The following SHISAL1 variants were observed in gnomAD, a reference collection of about 807,000 sequenced individuals.
SHISAL1 encodes protein shisa-like-1.
A neutral mutation model predicts 22.6 loss-of-function variants in SHISAL1; 9 were observed. The ratio of observed to expected loss-of-function variants is 0.40; its 90% CI spans 0.24 to 0.70. The LOEUF (loss-of-function observed/expected upper bound fraction) is 0.70, where lower values mean the gene tolerates loss of function less well. Ranked by LOEUF, SHISAL1 falls within the 30% of genes least tolerant of loss-of-function variation. The pLI is 0.39. For missense variants in SHISAL1, 246 were observed against 270.6 expected (o/e 0.91, Z 0.64); for synonymous variants, 119 against 115.4 (o/e 1.03, Z -0.20).
At chr22:44,289,496 T>TG (rs768987294) in intron 3 of SHISAL1, among the ~76,000 whole-genome samples, 1,567 of 137,862 alleles carry the variant, frequency 0.011, 43 homozygotes, top group African/African-American at 0.04. Context: ...GTGTGTGTGT[T>TG]TACTGCCGGG....
intron 3 of SHISAL1, among the ~76,000 whole-genome samples, chr22:44,292,747 C>A (rs1450066845): frequency 6.6e-6 from 1 of 152,232 alleles, no homozygotes; most frequent in Non-Finnish European, 1.5e-5. Context: ...GGACACCAGG[C>A]CCCACGTCAG....
intron 4 of SHISAL1, among the ~76,000 whole-genome samples, chr22:44,270,140 CA>C (rs1277397807): frequency 6.6e-6 from 1 of 152,248 alleles, no homozygotes; most frequent in Non-Finnish European, 1.5e-5. Context: ...GCCAAAACCC[CA>C]CCTGACGAAG....
At chr22:44,262,380 G>A (rs893895764) in intron 4 of SHISAL1, among the ~76,000 whole-genome samples, 10 of 152,194 alleles carry the variant, frequency 6.6e-5, no homozygotes, top group Admixed American at 4.6e-4. Flanking sequence ...TCCCAAAGTT[G>A]TGGGGAGCCG....
At chr22:44,260,138 T>A (rs568779316) in intron 4 of SHISAL1, among the ~76,000 whole-genome samples, 14 of 152,194 alleles carry the variant, frequency 9.2e-5, no homozygotes, top group Non-Finnish European at 1.9e-4. Flanking sequence ...CTCCCCTGCA[T>A]GCCTTTCACA....
chr22:44,295,559 A>G (rs1485850251), intron 3 of SHISAL1, among the ~76,000 whole-genome samples: 1 of 152,180 alleles, frequency 6.6e-6, no homozygotes, highest in Non-Finnish European at 1.5e-5. Context: ...AACAAAAATT[A>G]AGCATGAGGA....
Position 44,263,012 on chromosome 22 carries a change from A to AGTTG in SHISAL1, c.*-13331_*-13328dup, listed in dbSNP as rs2055135642. 2.7e-5 allele frequency among the ~76,000 whole-genome samples: 4 copies of AGTTG among 149,642 alleles called. No homozygotes were observed. The South Asian group carries it at 8.6e-4, about 32-fold the overall frequency. On this transcript the variant is annotated intron_variant, in intron 4 of 4. Coordinates refer to ENST00000381176, the MANE Select transcript of SHISAL1 (RefSeq NM_001099294.2). ...GCAGCAGCAACAGCTTCTGTTAGTTAGTTGGTGCTGACGGTATGCATGTGG... is the reference window on the plus strand; with the variant it reads ...GCAGCAGCAACAGCTTCTGTTAGTTAGTTGGTTGGTGCTGACGGTATGCATGTGG...
chr22:44,324,565 C>T, the SHISAL1 span, among the ~76,000 whole-genome samples: 2 of 152,238 alleles, frequency 1.3e-5, no homozygotes, highest in Non-Finnish European at 2.9e-5. Context: ...ACTGTGCTAA[C>T]TAAACCCTTT....
rs868061534 is a variant in SHISAL1 at position 44,246,293 on chromosome 22, C to G, written c.*3392G>C. ...AGTTCCCAGTGGGAAACAGTCCTTACAAACGCGGTAGTTCTGCAAACAGCC... is the reference window on the plus strand; with the variant it reads ...AGTTCCCAGTGGGAAACAGTCCTTAGAAACGCGGTAGTTCTGCAAACAGCC... On this transcript the variant is annotated 3_prime_UTR_variant, in exon 5 of 5. Coordinates refer to ENST00000381176, the MANE Select transcript of SHISAL1 (RefSeq NM_001099294.2). 1.1e-4 allele frequency: 17 copies of G among 152,250 alleles called. No individual in the cohort carries two copies. The highest frequency in any genetic ancestry group is 3.9e-4 in the African/African-American group (16 of 41,456). The allele number at this position is 152,250 out of a possible 1,614,324, so 9.4% of individuals were successfully genotyped here.
chr22:44,267,114 G>C (rs577982184), intron 4 of SHISAL1, among the ~76,000 whole-genome samples: 4 of 152,080 alleles, frequency 2.6e-5, no homozygotes, highest in Admixed American at 6.5e-5. Flanking sequence ...CATCGCAGGA[G>C]CGACAGGCAG....
Position 44,285,752 on chromosome 22 carries a change from A to ACAAACAGAGAGGGAGTGAG in SHISAL1, c.282-26_282-8dup, listed in dbSNP as rs1569218309. The ACAAACAGAGAGGGAGTGAG allele has an allele frequency of 1.2e-6, 2 of 1,605,304 alleles. No individual in the cohort carries two copies. Among genetic ancestry groups the ACAAACAGAGAGGGAGTGAG allele is most frequent in the Non-Finnish European group, 8.5e-7 (1 of 1,173,620 alleles). On this transcript the variant is annotated splice_region_variant and splice_polypyrimidine_tract_variant and intron_variant, in intron 3 of 4. Transcript: ENST00000381176. Reference sequence around the variant, plus strand: ...CAACAAGGCGGTGTAATTGCTGCGAACAAACAGAGAGGGAGTGAGCAAGCA... The same window carrying ACAAACAGAGAGGGAGTGAG: ...CAACAAGGCGGTGTAATTGCTGCGAACAAACAGAGAGGGAGTGAGCAAACAGAGAGGGAGTGAGCAAGCA...
intron 4 of SHISAL1, among the ~76,000 whole-genome samples, chr22:44,281,929 C>T (rs1050291583): frequency 6.6e-6 from 1 of 152,246 alleles, no homozygotes; most frequent in Non-Finnish European, 1.5e-5. Flanking sequence ...CAACGCCCCA[C>T]CTGCCTGGCC....
chr22:44,295,661 T>A (rs2055380207), intron 3 of SHISAL1, among the ~76,000 whole-genome samples: 1 of 152,162 alleles, frequency 6.6e-6, no homozygotes, highest in African/African-American at 2.4e-5. Context: ...ACTCATCATA[T>A]TTCCTTCATA....
intron 2 of SHISAL1, among the ~76,000 whole-genome samples, chr22:44,298,138 T>G (rs967285135): frequency 1.3e-5 from 2 of 152,244 alleles, no homozygotes; most frequent in Admixed American, 6.5e-5. Flanking sequence ...AGGTCTCAGC[T>G]TTTGGGGAAC....
intron 1 of SHISAL1, among the ~76,000 whole-genome samples, chr22:44,303,954 A>G (rs1433553600): frequency 6.6e-6 from 1 of 151,786 alleles, no homozygotes; most frequent in East Asian, 1.9e-4. Context: ...GCCCCCCAGG[A>G]GGACGGTTTC....
chr22:44,253,226 T>A (rs990282612), intron 4 of SHISAL1, among the ~76,000 whole-genome samples: 2 of 152,010 alleles, frequency 1.3e-5, no homozygotes, highest in African/African-American at 4.8e-5. Flanking sequence ...GTCATAATCT[T>A]AATATCAGAA....
rs75143163 is a variant in SHISAL1 at position 44,276,440 on chromosome 22, G to A, written c.599+8988C>T. Among the ~76,000 whole-genome samples the A allele has an allele frequency of 6.7e-3, 1,012 of 152,066 alleles. 41 individuals carry two copies. The South Asian group carries it at 0.1, about 16-fold the overall frequency. On this transcript the variant is annotated intron_variant, in intron 4 of 4. Coordinates refer to ENST00000381176, the MANE Select transcript of SHISAL1 (RefSeq NM_001099294.2). ...GGCCATCGGCGGGTCTTGACTTAAT[G>A]TTTTTAAAAGATCACGCTGCTGCTG...
chr22:44,276,087 G>A (rs557019765), intron 4 of SHISAL1, among the ~76,000 whole-genome samples: 1 of 152,366 alleles, frequency 6.6e-6, no homozygotes, highest in African/African-American at 2.4e-5. Flanking sequence ...AAGCAAACGT[G>A]ATGTCAGGCG....
At chr22:44,257,735 C>T (rs1366199545) in intron 4 of SHISAL1, among the ~76,000 whole-genome samples, 13 of 152,226 alleles carry the variant, frequency 8.5e-5, no homozygotes, top group African/African-American at 2.2e-4. Flanking sequence ...GCTCAGCAGA[C>T]GATCCAGCAA....
chr22:44,253,137 G>A lies in SHISAL1; in HGVS notation c.*-3452C>T, dbSNP rs572982419. On this transcript the variant is annotated intron_variant, in intron 4 of 4. Transcript: ENST00000381176. Reference sequence around the variant, plus strand: ...TTTAAAAATGGTTAAAATGATAAACGTTATGTGCATTTTACCATAATTTTT... The same window carrying A: ...TTTAAAAATGGTTAAAATGATAAACATTATGTGCATTTTACCATAATTTTT... Among the ~76,000 whole-genome samples the A allele has an allele frequency of 7.9e-5, 12 of 152,164 alleles. No homozygotes were observed. The South Asian group carries it at 1.0e-3, about 13-fold the overall frequency.
Sources: gnomAD v4.1 joint callset for allele counts (sites outside exome capture counted in the v4.1 genomes callset) on GRCh38, gnomAD v4.1.1 for gene constraint, MANE v1.5 for transcripts, NCBI Gene and HGNC (gene_info 2026-07-23, HGNC 2026-07-21) for gene names.